Variants in DACH1 observed in about 807,000 individuals in gnomAD.
DACH1 encodes the protein dachshund family transcription factor 1.
DACH1 carries 12 observed loss-of-function variants against 54.2 expected under a neutral mutation model. The observed-to-expected ratio is 0.22, with a 90% CI of 0.14 to 0.36. DACH1 has a LOEUF of 0.36. Ranked by LOEUF, DACH1 falls within the 10% of genes least tolerant of loss-of-function variation. DACH1 has a pLI of 1.00. For synonymous variants in DACH1, 386 were observed against 366.2 expected, an observed-to-expected ratio of 1.05 and a Z score of -0.62; for missense variants, 805 against 929.8, an observed-to-expected ratio of 0.87 and a Z score of 1.75.
chr13:71,498,009 C>T (rs1202637409), intron 6 of DACH1, among the ~76,000 whole-genome samples: 1 of 151,498 alleles, frequency 6.6e-6, no homozygotes, highest in Non-Finnish European at 1.5e-5. Context: ...CTTCAAGCAG[C>T]ATTAGAACTC....
chr13:71,782,559 T>G (rs1171069430), intron 1 of DACH1, among the ~76,000 whole-genome samples: 1 of 152,200 alleles, frequency 6.6e-6, no homozygotes. Context: ...GTATTACTGG[T>G]AAAGTTTGTA....
At chr13:71,442,439 G>C (rs1424322819) in intron 10 of DACH1, among the ~76,000 whole-genome samples, 1 of 152,048 alleles carries the variant, frequency 6.6e-6, no homozygotes, top group Non-Finnish European at 1.5e-5. Context: ...TTCATCTGCT[G>C]ATGGACAATT....
intron 7 of DACH1, among the ~76,000 whole-genome samples, chr13:71,484,430 G>T (rs144070415): frequency 6.6e-6 from 1 of 152,104 alleles, no homozygotes; most frequent in Admixed American, 6.5e-5. Context: ...GCCTCCCAAA[G>T]TGCTGGGATT....
chr13:71,535,465 G>T (rs749242920), intron 6 of DACH1, among the ~76,000 whole-genome samples: 1 of 151,906 alleles, frequency 6.6e-6, no homozygotes, highest in Non-Finnish European at 1.5e-5. Context: ...ATTTGGTCAT[G>T]AAATAAGGAG....
At chr13:71,800,399 T>A (rs1887243796) in intron 1 of DACH1, among the ~76,000 whole-genome samples, 1 of 152,020 alleles carries the variant, frequency 6.6e-6, no homozygotes, top group Non-Finnish European at 1.5e-5. Flanking sequence ...GCAAGTATAG[T>A]TTTTAGATCA....
intron 1 of DACH1, among the ~76,000 whole-genome samples, chr13:71,718,134 C>T (rs1224113320): frequency 6.6e-6 from 1 of 151,972 alleles, no homozygotes; most frequent in Non-Finnish European, 1.5e-5. Context: ...CATATGGTCT[C>T]ACATGGAAAA....
At chr13:71,802,156 C>CT (rs903592191) in intron 1 of DACH1, among the ~76,000 whole-genome samples, 23 of 151,090 alleles carry the variant, frequency 1.5e-4, no homozygotes, top group South Asian at 1.0e-3. Context: ...TGGCCAGAGC[C>CT]TTTTTTTTTC....
At chr13:71,606,487 T>TA (rs1382476824) in intron 3 of DACH1, among the ~76,000 whole-genome samples, 2 of 152,036 alleles carry the variant, frequency 1.3e-5, no homozygotes, top group Non-Finnish European at 2.9e-5. Flanking sequence ...ATGACAGATA[T>TA]AAAAAATCTT....
intron 3 of DACH1, among the ~76,000 whole-genome samples, chr13:71,627,408 C>G (rs1349691718): frequency 1.3e-5 from 2 of 150,842 alleles, no homozygotes; most frequent in African/African-American, 4.9e-5. Context: ...AAAACAAGAG[C>G]CTTGAATTGT....
chr13:71,513,461 A>G (rs1880932454), intron 6 of DACH1, among the ~76,000 whole-genome samples: 1 of 152,050 alleles, frequency 6.6e-6, no homozygotes, highest in Non-Finnish European at 1.5e-5. Flanking sequence ...CAAAAATATT[A>G]GTAGAAGCAA....
intron 3 of DACH1, among the ~76,000 whole-genome samples, chr13:71,600,028 G>C (rs1874384340): frequency 6.6e-6 from 1 of 151,910 alleles, no homozygotes; most frequent in Admixed American, 6.6e-5. Flanking sequence ...AAAATCATAT[G>C]GCAATATCTG....
intron 6 of DACH1, among the ~76,000 whole-genome samples, chr13:71,512,723 C>A (rs910250923): frequency 6.6e-6 from 1 of 151,734 alleles, no homozygotes; most frequent in African/African-American, 2.4e-5. Context: ...AGGAATTGCA[C>A]AAATAACTTG....
intron 10 of DACH1, among the ~76,000 whole-genome samples, chr13:71,469,224 A>T (rs1457252483): frequency 6.6e-6 from 1 of 152,160 alleles, no homozygotes; most frequent in Non-Finnish European, 1.5e-5. Flanking sequence ...GGAAAGGCTC[A>T]ATACATTTCA....
intron 7 of DACH1, among the ~76,000 whole-genome samples, chr13:71,479,787 T>C (rs1395379736): frequency 3.9e-5 from 6 of 152,186 alleles, no homozygotes; most frequent in African/African-American, 1.4e-4. Flanking sequence ...ATAGCCACAA[T>C]GGTCTCCTTT....
At chr13:71,643,869 AAGAG>A (rs997110041) in intron 2 of DACH1, among the ~76,000 whole-genome samples, 4 of 152,172 alleles carry the variant, frequency 2.6e-5, no homozygotes, top group Admixed American at 6.5e-5. Context: ...AAAAAAGACA[AAGAG>A]AGATTGTCTT....
chr13:71,511,108 A>G (rs1453234718), intron 6 of DACH1, among the ~76,000 whole-genome samples: 3 of 152,100 alleles, frequency 2.0e-5, no homozygotes, highest in Non-Finnish European at 2.9e-5. Flanking sequence ...AGCAATGCTA[A>G]CAGTAACAAG....
intron 1 of DACH1, among the ~76,000 whole-genome samples, chr13:71,759,043 G>T (rs1272999191): frequency 6.6e-6 from 1 of 151,736 alleles, no homozygotes. Context: ...CATTTCCCAA[G>T]TCCATTATCT....
At chr13:71,730,810 T>G (rs1883708025) in intron 1 of DACH1, among the ~76,000 whole-genome samples, 1 of 152,084 alleles carries the variant, frequency 6.6e-6, no homozygotes, top group African/African-American at 2.4e-5. Context: ...ATAATTGTCA[T>G]GTAAAATAGC....
At chr13:71,596,634 A>C (rs1475258540) in intron 3 of DACH1, among the ~76,000 whole-genome samples, 4 of 152,170 alleles carry the variant, frequency 2.6e-5, no homozygotes, top group African/African-American at 9.7e-5. Flanking sequence ...CAAATAGTTA[A>C]ATTATCTCAC....
Sources: gnomAD v4.1 joint callset for allele counts (sites outside exome capture counted in the v4.1 genomes callset) on GRCh38, gnomAD v4.1.1 for gene constraint, MANE v1.5 for transcripts, NCBI Gene and HGNC (gene_info 2026-07-23, HGNC 2026-07-21) for gene names.